Variants in SLC8B1 observed in about 807,000 individuals in gnomAD.
SLC8B1 encodes solute carrier family 8 member B1.
A neutral mutation model predicts 63.4 loss-of-function variants in SLC8B1; 52 were observed. The ratio of observed to expected loss-of-function variants is 0.82; its 90% confidence interval spans 0.66 to 1.03. SLC8B1 has a LOEUF of 1.03. Ranked by LOEUF, SLC8B1 falls within the 50% of genes least tolerant of loss-of-function variation. The pLI is 0.00. For synonymous variants in SLC8B1, 336 were observed against 323.9 expected (o/e 1.04, Z -0.40); for missense variants, 657 against 741.7 (o/e 0.89, Z 1.33).
rs747242954 is a variant in SLC8B1 at position 113,320,492 on chromosome 12, C to A, written c.533G>T (p.Gly178Val). The change falls in exon 7 of 16, where the codon GGC becomes GTC. Residue 178 changes from glycine (G) to valine (V), a missense_variant. By Grantham distance (109) the Gly-to-Val change is moderately radical. Coordinates refer to ENST00000680972, the MANE Select transcript of SLC8B1 (RefSeq NM_001358345.2). This position sits in a 1 kb window ranked among gnomAD's most constrained non-coding sequence, Gnocchi z 5.3. ...GLALGALFGA[G>V]VLVTTVVAGG... ...GGCCACCACTGTGGTAACCAGCACG[C>A]CAGCGCCTGGGGGGAGGAGGCCAGA... is the stretch of plus-strand genomic sequence containing the variant. The A allele has an allele frequency of 6.2e-7, 1 of 1,614,120 alleles. No homozygotes were observed. The highest frequency in any genetic ancestry group is 1.1e-5 in the South Asian group (1 of 91,090).
intron 8 of SLC8B1, among the ~76,000 whole-genome samples, chr12:113,317,785 GTGTA>G (rs560195568): frequency 2.8e-4 from 42 of 152,108 alleles, no homozygotes; most frequent in Admixed American, 1.4e-3. Flanking sequence ...TATGTGTGTT[GTGTA>G]TGTGAGTGTA....
chr12:113,329,041 G>A (rs1226255814), intron 2 of SLC8B1, among the ~76,000 whole-genome samples: 3 of 151,994 alleles, frequency 2.0e-5, no homozygotes, highest in East Asian at 1.9e-4. Context: ...GTGAGCCACC[G>A]CACCCAGGCA....
intron 11 of SLC8B1, among the ~76,000 whole-genome samples, chr12:113,313,881 G>C (rs893453863): frequency 3.3e-5 from 5 of 152,188 alleles, no homozygotes; most frequent in African/African-American, 7.2e-5. Flanking sequence ...ATGGTGGCAG[G>C]TGCCTGTAAT....
chr12:113,333,854 A>G (rs1000592848), intron 1 of SLC8B1, among the ~76,000 whole-genome samples: 6 of 152,196 alleles, frequency 3.9e-5, no homozygotes, highest in Admixed American at 2.0e-4. Flanking sequence ...GATTACAGGC[A>G]CACACCACCA....
intron 8 of SLC8B1, among the ~76,000 whole-genome samples, chr12:113,317,577 C>G (rs1333195981): frequency 6.6e-6 from 1 of 152,188 alleles, no homozygotes; most frequent in Non-Finnish European, 1.5e-5. Context: ...TTTTCAGAAT[C>G]TGGAACCCAT....
intron 14 of SLC8B1, among the ~76,000 whole-genome samples, chr12:113,306,181 A>G (rs1297234127): frequency 6.6e-6 from 1 of 151,336 alleles, no homozygotes; most frequent in Admixed American, 6.6e-5. Context: ...AGGGTCTTCC[A>G]TAGGACACAT....
intron 14 of SLC8B1, among the ~76,000 whole-genome samples, chr12:113,304,906 C>CA (rs535643907): frequency 5.9e-5 from 9 of 151,464 alleles, no homozygotes; most frequent in South Asian, 4.2e-4. Context: ...CCCAGACTTA[C>CA]AAAAAAAAAT....
At position 113,307,848 on chromosome 12, in the gene SLC8B1, C is replaced by T. The variant is rs774023676; in HGVS notation, c.1258-4G>A. On this transcript the variant is annotated splice_polypyrimidine_tract_variant and splice_region_variant and intron_variant, in intron 12 of 15. Transcript: ENST00000680972. ...GAAAGCCCAGGAAAGCAAAGAGCTGCGGAGGGAATGGTTTGCTGTGGGACC... is the reference window on the plus strand; with the variant it reads ...GAAAGCCCAGGAAAGCAAAGAGCTGTGGAGGGAATGGTTTGCTGTGGGACC... 67 of 1,610,944 alleles carry T rather than the reference C, an allele frequency of 4.2e-5. No individual in the cohort carries two copies. Among genetic ancestry groups the T allele is most frequent in the Non-Finnish European group, 5.7e-5 (67 of 1,179,798 alleles).
intron 14 of SLC8B1, among the ~76,000 whole-genome samples, chr12:113,306,066 C>CAAAAAAAAAAAAAAAAAAAAAAA (rs60824560): frequency 5.5e-5 from 1 of 18,100 alleles, no homozygotes; most frequent in Non-Finnish European, 1.2e-4. Flanking sequence ...CCCCACCCTG[C>CAAAAAAAAAAAAAAAAAAAAAAA]AAAAAAAAAA....
At chr12:113,332,183 T>C (rs577526870) in intron 2 of SLC8B1, among the ~76,000 whole-genome samples, 25 of 152,318 alleles carry the variant, frequency 1.6e-4, no homozygotes, top group African/African-American at 6.0e-4. Context: ...TCTGAAATAG[T>C]TGGAAAAGCT....
In SLC8B1 at chr12:113,299,060, A is replaced by C. The variant is rs889236964; in HGVS notation, c.*717T>G. On this transcript the variant is annotated 3_prime_UTR_variant, in exon 16 of 16. Coordinates refer to ENST00000680972, the MANE Select transcript of SLC8B1 (RefSeq NM_001358345.2). The stretch of plus-strand genomic sequence containing the variant: ...AGCACAAAGGAGTCTGTGGACAGGC[A>C]GGGGCAGAATCCTGGAGGGAGCGCC... 2 of 152,666 alleles carry C rather than the reference A, an allele frequency of 1.3e-5. No individual in the cohort carries two copies. The highest frequency in any genetic ancestry group is 6.5e-5 in the Admixed American group (1 of 15,328). The allele number at this position is 152,666 out of a possible 1,614,324, so 9.5% of individuals were successfully genotyped here.
intron 2 of SLC8B1, among the ~76,000 whole-genome samples, chr12:113,332,231 G>A (rs1957065323): frequency 6.6e-6 from 1 of 152,132 alleles, no homozygotes. Context: ...ATTGTGTGCG[G>A]GGCACTTAGC....
intron 10 of SLC8B1, 66 bp downstream of exon 10, chr12:113,316,460 A>T: frequency 6.4e-7 from 1 of 1,568,960 alleles, no homozygotes; most frequent in Non-Finnish European, 8.7e-7. Flanking sequence ...AGAGCTGGAG[A>T]GGGTAGCGTG....
At chr12:113,318,830 A>C in intron 8 of SLC8B1, 134 bp downstream of exon 8, 1 of 654,992 alleles carries the variant, frequency 1.5e-6, no homozygotes. Flanking sequence ...ACCTCAGCAG[A>C]ATGAGTAGAA....
Position 113,310,255 on chromosome 12 carries a change from G to A in SLC8B1, c.1236C>T (p.Ser412=). 2 of 1,613,900 alleles carry A rather than the reference G, an allele frequency of 1.2e-6. No homozygotes were observed. The highest frequency in any genetic ancestry group is 8.5e-7 in the Non-Finnish European group (1 of 1,179,936). The part of the protein sequence containing the change: ...ASVTFFATSD[S]QPPRLHWLFA... The stretch of plus-strand genomic sequence containing the variant: ...TTACCCAGTGAAGCCTGGGGGGCTG[G>A]CTGTCAGATGTGGCAAAAAAGGTCA... The change falls in exon 12 of 16, where the codon AGC becomes AGT. Residue 412 remains serine, a synonymous_variant. Coordinates refer to ENST00000680972, the MANE Select transcript of SLC8B1 (RefSeq NM_001358345.2).
chr12:113,307,702 T>A lies in SLC8B1; in HGVS notation c.1400A>T (p.Asn467Ile). ...VLGLTLLAWGNSIGDAFSDFT... is the reference protein window; with the variant it reads ...VLGLTLLAWGISIGDAFSDFT... ...CAGCCCTGAGTCACCTCCAATGCTG[T>A]TCCCCCAGGCCAGCAGCGTGAGCCC... Residue 467 changes from asparagine (N) to isoleucine (I), a missense_variant, in exon 13 of 16, where the codon AAC becomes ATC. Coordinates refer to ENST00000680972, the MANE Select transcript of SLC8B1 (RefSeq NM_001358345.2). 9.3e-6 allele frequency: 15 copies of A among 1,613,742 alleles called. No individual in the cohort carries two copies. Among genetic ancestry groups the A allele is most frequent in the Non-Finnish European group, 1.2e-5 (14 of 1,179,854 alleles).
intron 15 of SLC8B1, 40 bp downstream of exon 15, chr12:113,304,281 C>G (rs771325288): frequency 4.4e-6 from 7 of 1,598,348 alleles, no homozygotes; most frequent in African/African-American, 1.3e-5. Flanking sequence ...CAAGCTACAT[C>G]TTGGTTATAT....
At chr12:113,333,510 C>T (rs554619789) in intron 1 of SLC8B1, among the ~76,000 whole-genome samples, 3 of 152,306 alleles carry the variant, frequency 2.0e-5, no homozygotes, top group South Asian at 4.1e-4. Context: ...TCTATCCTCA[C>T]GACATGCCGA....
intron 12 of SLC8B1, among the ~76,000 whole-genome samples, chr12:113,309,496 G>C (rs980255163): frequency 3.3e-5 from 5 of 152,210 alleles, no homozygotes; most frequent in African/African-American, 1.2e-4. Context: ...CCTCATGCCT[G>C]GAATCCTGGC....
Sources: allele counts gnomAD v4.1 joint callset (sites outside exome capture counted in the v4.1 genomes callset), GRCh38; gene constraint gnomAD v4.1.1; non-coding constraint Gnocchi (gnomAD v3.1); transcripts MANE v1.5; gene names NCBI Gene and HGNC (gene_info 2026-07-23, HGNC 2026-07-21).